MAP3K20: variants seen among roughly 807,000 people sequenced by gnomAD.
MAP3K20 encodes the protein mitogen-activated protein kinase kinase kinase 20.
A neutral mutation model predicts 85.7 loss-of-function variants in MAP3K20; 40 were observed. The ratio of observed to expected loss-of-function variants is 0.47; its 90% CI spans 0.36 to 0.61. MAP3K20 has a LOEUF of 0.61. Ranked by LOEUF, MAP3K20 falls within the 20% of genes least tolerant of loss-of-function variation. The probability of loss-of-function intolerance (pLI) is 0.00; values close to 1 mark genes in which losing one functional copy is unlikely to be tolerated. For synonymous variants in MAP3K20, 325 were observed against 327.7 expected (o/e 0.99, Z 0.09); for missense variants, 817 against 961.7 (o/e 0.85, Z 1.99).
In MAP3K20 at chr2:173,221,960, A is replaced by G. The variant is rs893732985; in HGVS notation, c.987+4710A>G. On this transcript the variant is annotated intron_variant, in intron 11 of 19. Transcript: ENST00000375213. ...CTTTGACACGTAGTAATTCTGTGAC[A>G]TACTTTTTTTTTCTTATAGCAATAC... The G allele has an allele frequency of 4.1e-6, 4 of 986,514 alleles. No individual in the cohort carries two copies. In the African/African-American group the frequency reaches 7.0e-5, roughly 17 times the overall value. The allele number at this position is 986,514 out of a possible 1,614,324, so 61.1% of individuals were successfully genotyped here. A position where few individuals can be genotyped will look rare whatever the true frequency, so the allele number is the denominator to read the frequency against.
chr2:173,191,376 C>T (rs1220421022), intron 7 of MAP3K20, among the ~76,000 whole-genome samples, 199 bp downstream of exon 7: 1 of 152,124 alleles, frequency 6.6e-6, no homozygotes, highest in African/African-American at 2.4e-5. Flanking sequence ...TTATTTTGTC[C>T]TGTGTTGAGA....
In MAP3K20 at chr2:173,209,771, A is replaced by G. The variant is rs529181958; in HGVS notation, c.787A>G (p.Met263Val). ...FKQIISILES[M>V]SNDTSLPDKC... The stretch of plus-strand genomic sequence containing the variant: ...GCAAATCATTTCAATCCTGGAGTCC[A>G]TGTCAAATGACACGAGCCTTCCTGA... The change falls in exon 10 of 20, where the codon ATG becomes GTG. Residue 263 changes from methionine to valine, a missense_variant. Met to Val is a conservative substitution (Grantham distance 21, BLOSUM62 1). Coordinates refer to ENST00000375213, the MANE Select transcript of MAP3K20 (RefSeq NM_016653.3). 3 of 1,613,666 alleles carry G rather than the reference A, an allele frequency of 1.9e-6. No homozygotes were observed. The highest frequency in any genetic ancestry group is 1.3e-5 in the African/African-American group (1 of 75,010).
intron 2 of MAP3K20, among the ~76,000 whole-genome samples, chr2:173,133,109 A>G (rs573487346): frequency 1.5e-4 from 23 of 152,324 alleles, no homozygotes; most frequent in African/African-American, 5.3e-4. Flanking sequence ...AATTTTACAT[A>G]TTTTAAAATG....
chr2:173,244,446 C>T (rs949057913), intron 16 of MAP3K20, among the ~76,000 whole-genome samples: 1 of 152,146 alleles, frequency 6.6e-6, no homozygotes, highest in Non-Finnish European at 1.5e-5. Flanking sequence ...TCTCCTTTAT[C>T]CCGTTAGCAT....
chr2:173,075,823 G>T, upstream of MAP3K20: 2 of 985,500 alleles, frequency 2.0e-6, no homozygotes, highest in African/African-American at 1.7e-5. Flanking sequence ...GAGGTAGGTG[G>T]TGCTGTTGCC....
At position 173,150,355 on chromosome 2, in the gene MAP3K20, C is replaced by CT. The variant is rs368721864; in HGVS notation, c.160-19449dup. ...TTTTGCCAGTTGTGGCCTGACCTGA[C>CT]TATGCAGGATGACATGTGTTCTAAC... On this transcript the variant is annotated intron_variant, in intron 2 of 19. Coordinates refer to ENST00000375213, the MANE Select transcript of MAP3K20 (RefSeq NM_016653.3). 5.4e-3 allele frequency among the ~76,000 whole-genome samples: 822 copies of CT among 152,300 alleles called. 6 individuals carry two copies. Among genetic ancestry groups the CT allele is most frequent in the African/African-American group, 0.019 (795 of 41,560 alleles).
chr2:173,145,966 A>C (rs112917899), intron 2 of MAP3K20, among the ~76,000 whole-genome samples: 1 of 152,158 alleles, frequency 6.6e-6, no homozygotes, highest in Non-Finnish European at 1.5e-5. Flanking sequence ...AATGTTGAGC[A>C]AAAAAGACTA....
intron 2 of MAP3K20, among the ~76,000 whole-genome samples, chr2:173,140,462 T>G (rs1294083332): frequency 6.6e-6 from 1 of 152,134 alleles, no homozygotes; most frequent in African/African-American, 2.4e-5. Context: ...GTGATTCTTC[T>G]GCCTCAGCCT....
At chr2:173,195,185 C>G (rs1432632688) in intron 7 of MAP3K20, among the ~76,000 whole-genome samples, 1 of 106,070 alleles carries the variant, frequency 9.4e-6, no homozygotes, top group Admixed American at 9.7e-5. Flanking sequence ...CCTAGCCTCT[C>G]TTTAAAAAAA....
intron 2 of MAP3K20, chr2:173,166,914 T>G (rs1013284997): frequency 2.1e-5 from 3 of 146,166 alleles, no homozygotes; most frequent in Admixed American, 2.0e-4. Flanking sequence ...TTTTCTGTTT[T>G]TTTTTTTTTT....
chr2:173,098,996 A>G (rs939282875), intron 2 of MAP3K20, among the ~76,000 whole-genome samples: 1 of 152,220 alleles, frequency 6.6e-6, no homozygotes, highest in African/African-American at 2.4e-5. Flanking sequence ...TTTGAGAACC[A>G]CTACTTTTAT....
chr2:173,151,164 G>A (rs781521577), intron 2 of MAP3K20, among the ~76,000 whole-genome samples: 15 of 152,128 alleles, frequency 9.9e-5, no homozygotes, highest in Non-Finnish European at 1.8e-4. Flanking sequence ...TGGCAAGGGT[G>A]TAGAGAAGTT....
chr2:173,235,418 TA>T (rs1226587263), intron 14 of MAP3K20, among the ~76,000 whole-genome samples: 1 of 152,204 alleles, frequency 6.6e-6, no homozygotes, highest in African/African-American at 2.4e-5. Flanking sequence ...GCTTACTTAT[TA>T]GGACTCCACA....
chr2:173,256,798 C>T (rs186400461), intron 16 of MAP3K20, among the ~76,000 whole-genome samples: 1 of 152,222 alleles, frequency 6.6e-6, no homozygotes, highest in African/African-American at 2.4e-5. Flanking sequence ...TTTTTTGATA[C>T]ATTTTAAATT....
chr2:173,223,272 G>C (rs1684300334), intron 11 of MAP3K20: 1 of 981,342 alleles, frequency 1.0e-6, no homozygotes, highest in African/African-American at 1.7e-5. Context: ...CCTGGGCTCA[G>C]TTGCTTGACA....
chr2:173,159,375 CCTTTT>C (rs1574066609), intron 2 of MAP3K20, among the ~76,000 whole-genome samples: 1 of 138,646 alleles, frequency 7.2e-6, no homozygotes, highest in African/African-American at 2.6e-5. Flanking sequence ...TCCTTCCTTT[CCTTTT>C]CTTTTCTTTC....
chr2:173,124,860 C>T (rs972156880), intron 2 of MAP3K20, among the ~76,000 whole-genome samples: 3 of 152,188 alleles, frequency 2.0e-5, no homozygotes, highest in Admixed American at 6.5e-5. Context: ...TGGTGGCTCA[C>T]ACTTGTAATT....
intron 8 of MAP3K20, among the ~76,000 whole-genome samples, chr2:173,202,248 T>G (rs1000615912): frequency 6.6e-6 from 1 of 152,220 alleles, no homozygotes; most frequent in African/African-American, 2.4e-5. Context: ...ACTAGAAGTT[T>G]GAAAGTGCTT....
intron 8 of MAP3K20, among the ~76,000 whole-genome samples, chr2:173,200,952 CA>C (rs1291132124): frequency 6.6e-6 from 1 of 152,102 alleles, no homozygotes; most frequent in African/African-American, 2.4e-5. Flanking sequence ...TTTAAATTAA[CA>C]AAAACTAAAG....
Sources: allele counts gnomAD v4.1 joint callset (sites outside exome capture counted in the v4.1 genomes callset), GRCh38; gene constraint gnomAD v4.1.1; transcripts MANE v1.5; gene names NCBI Gene and HGNC (gene_info 2026-07-23, HGNC 2026-07-21).